The following POP1 variants were observed in gnomAD, a reference collection of about 807,000 sequenced individuals.
The protein encoded by POP1 is POP1 ribonuclease P/MRP subunit.
In POP1, 75 loss-of-function variants were observed where a neutral mutation model predicts 102.2. That is an observed-to-expected ratio of 0.73 (90% CI 0.61 to 0.89). The LOEUF is 0.89. Ranked by LOEUF, POP1 falls within the 40% of genes least tolerant of loss-of-function variation. POP1 has a pLI of 0.00. For synonymous variants in POP1, 436 were observed against 464.1 expected, an observed-to-expected ratio of 0.94 and a Z score of 0.78; for missense variants, 1,116 against 1,267.4, an observed-to-expected ratio of 0.88 and a Z score of 1.81.
chr8:98,157,267 A>T (rs1254526270), intron 15 of POP1, among the ~76,000 whole-genome samples: 1 of 152,048 alleles, frequency 6.6e-6, no homozygotes, highest in Admixed American at 6.6e-5. Flanking sequence ...ATTCTTTCTT[A>T]CTTTACATGT....
intron 1 of POP1, among the ~76,000 whole-genome samples, chr8:98,118,789 T>C (rs1815926181): frequency 6.6e-6 from 1 of 152,072 alleles, no homozygotes; most frequent in African/African-American, 2.4e-5. Flanking sequence ...AGTATTTTAT[T>C]ATATGAGATC....
At position 98,134,498 on chromosome 8, in the gene POP1, T is replaced by C. The variant is rs978081550; in HGVS notation, c.850T>C (p.Leu284=). The C allele has an allele frequency of 2.5e-6, 4 of 1,614,042 alleles. No individual in the cohort carries two copies. Among genetic ancestry groups the C allele is most frequent in the Non-Finnish European group, 3.4e-6 (4 of 1,180,020 alleles). Residue 284 remains leucine (L), a synonymous_variant, in exon 7 of 16, where the codon TTG becomes CTG. Coordinates refer to ENST00000401707, the MANE Select transcript of POP1 (RefSeq NM_001145860.2). Reference sequence around the variant, plus strand: ...GCTGACGTTTGCAGCAGTTCACTGCTTGTCTGGAAAGCGCCAAGGGAGCCT... The same window carrying C: ...GCTGACGTTTGCAGCAGTTCACTGCCTGTCTGGAAAGCGCCAAGGGAGCCT... The part of the protein sequence containing the change: ...TGLTFAAVHC[L]SGKRQGSLVL...
At chr8:98,125,179 GTTTTTTTTTTTT>G (rs748014497) in intron 2 of POP1, among the ~76,000 whole-genome samples, 1 of 102,260 alleles carries the variant, frequency 9.8e-6, no homozygotes, top group East Asian at 2.7e-4. Context: ...TTTACAGACA[GTTTTTTTTTTTT>G]TTTTTTTTTT....
chr8:98,158,038 T>C lies in POP1; in HGVS notation c.2842T>C (p.Trp948Arg), dbSNP rs374628731. 119 of 1,610,872 alleles carry C rather than the reference T, an allele frequency of 7.4e-5. No individual in the cohort carries two copies. Among genetic ancestry groups the C allele is most frequent in the Admixed American group, 3.3e-4 (20 of 60,002 alleles). The change falls in exon 16 of 16, where the codon TGG (tryptophan) becomes CGG (arginine). Residue 948 changes from tryptophan (W) to arginine (R), a missense_variant. Transcript: ENST00000401707. ...GCAGGAAGCTCTGACTCTAGGGCTG[T>C]GGTCAGGCCCTCTGCCGCGTGTGAC... ...AGQEALTLGL[W>R]SGPLPRVTLH...
chr8:98,149,026 T>G lies in POP1; in HGVS notation c.1902+20T>G. On this transcript the variant is annotated intron_variant, in intron 13 of 15. Coordinates refer to ENST00000401707, the MANE Select transcript of POP1 (RefSeq NM_001145860.2). The stretch of plus-strand genomic sequence containing the variant: ...CCATTTGTAAGTTACTTTTTGATTC[T>G]AACAGTTGCAATATTTAAAATACAT... 1 of 1,593,934 alleles carries G rather than the reference T, an allele frequency of 6.3e-7. No homozygotes were observed. The highest frequency in any genetic ancestry group is 1.3e-5 in the African/African-American group (1 of 74,614).
At chr8:98,129,128 A>G (rs1248439497) in intron 4 of POP1, among the ~76,000 whole-genome samples, 2 of 152,210 alleles carry the variant, frequency 1.3e-5, no homozygotes, top group African/African-American at 4.8e-5. Flanking sequence ...GATGTTAAAA[A>G]AAAACTCTGA....
Position 98,158,230 on chromosome 8 carries a change from T to A in POP1, c.3034T>A (p.Ser1012Thr). ...CTTAGTGCTACTGAGGCCTCCCGCCTCTCTGCAGTATCGATTTGCGAGGAT... is the reference window on the plus strand; with the variant it reads ...CTTAGTGCTACTGAGGCCTCCCGCCACTCTGCAGTATCGATTTGCGAGGAT... ...RGLVLLRPPASLQYRFARIAI... is the reference protein window; with the variant it reads ...RGLVLLRPPATLQYRFARIAI... The change falls in exon 16 of 16, where the codon TCT (serine) becomes ACT (threonine). Residue 1012 changes from serine to threonine, a missense_variant. Transcript: ENST00000401707. 1 of 1,612,152 alleles carries A rather than the reference T, an allele frequency of 6.2e-7. No individual in the cohort carries two copies. Among genetic ancestry groups the A allele is most frequent in the Non-Finnish European group, 8.5e-7 (1 of 1,180,010 alleles).
At chr8:98,144,467 G>T (rs1816791951) in intron 11 of POP1, among the ~76,000 whole-genome samples, 1 of 151,916 alleles carries the variant, frequency 6.6e-6, no homozygotes, top group South Asian at 2.1e-4. Flanking sequence ...TAGAGACAGG[G>T]TCTCACTAAA....
Position 98,140,867 on chromosome 8 carries a change from C to G in POP1, c.1573C>G (p.Pro525Ala), listed in dbSNP as rs769183311. ...NLPQKKSKAL[P>A]NPEKCQDNEK... Reference sequence around the variant, plus strand: ...GCCCCAAAAGAAGTCCAAAGCTTTGCCCAATCCAGAAAAATGCCAAGGTAA... The same window carrying G: ...GCCCCAAAAGAAGTCCAAAGCTTTGGCCAATCCAGAAAAATGCCAAGGTAA... The change falls in exon 11 of 16, where the codon CCC becomes GCC. Residue 525 changes from proline to alanine, a missense_variant. Physicochemically the swap from Pro to Ala is conservative, Grantham distance 27. Transcript: ENST00000401707. 6.8e-6 allele frequency: 11 copies of G among 1,613,974 alleles called. No homozygotes were observed. The Middle Eastern group carries it at 9.9e-4, about 145-fold the overall frequency.
intron 4 of POP1, 47 bp downstream of exon 4, chr8:98,128,587 A>G (rs961068957): frequency 1.3e-6 from 2 of 1,590,036 alleles, no homozygotes; most frequent in Non-Finnish European, 1.7e-6. Flanking sequence ...AGCTCCTAGA[A>G]GAAATTGAGA....
intron 6 of POP1, 136 bp from the exon 7 acceptor site, chr8:98,134,336 C>A (rs1816468214): frequency 8.1e-6 from 7 of 866,404 alleles, no homozygotes; most frequent in Non-Finnish European, 1.3e-5. Context: ...GTGTGCCAGG[C>A]TTTGATCTGA....
At chr8:98,150,208 G>C (rs181173652) in intron 13 of POP1, among the ~76,000 whole-genome samples, 1 of 152,280 alleles carries the variant, frequency 6.6e-6, no homozygotes, top group East Asian at 1.9e-4. Flanking sequence ...TAACTATTTA[G>C]ACTTGACATG....
chr8:98,156,375 C>T lies in POP1; in HGVS notation c.2383C>T (p.His795Tyr). 3.7e-6 allele frequency: 6 copies of T among 1,613,900 alleles called. No individual in the cohort carries two copies. The highest frequency in any genetic ancestry group is 5.1e-6 in the Non-Finnish European group (6 of 1,179,998). Reference sequence around the variant, plus strand: ...CACAGACCAGGAGGCCAGTGAAAACCATGTTGCTGCCACAGGGAGTCACCT... The same window carrying T: ...CACAGACCAGGAGGCCAGTGAAAACTATGTTGCTGCCACAGGGAGTCACCT... ...RITDQEASEN[H>Y]VAATGSHLCV... is the part of the protein sequence containing the mutation. Residue 795 changes from histidine (H) to tyrosine (Y), a missense_variant, in exon 15 of 16, where the codon CAT becomes TAT. Transcript: ENST00000401707.
At chr8:98,120,733 G>T (rs1374237273) in intron 1 of POP1, among the ~76,000 whole-genome samples, 1 of 151,268 alleles carries the variant, frequency 6.6e-6, no homozygotes, top group Admixed American at 6.6e-5. Flanking sequence ...TGGAAGCTCC[G>T]CCTACCGGGT....
intron 9 of POP1, among the ~76,000 whole-genome samples, chr8:98,137,433 G>C (rs532814202): frequency 3.5e-4 from 53 of 152,174 alleles, no homozygotes; most frequent in African/African-American, 1.3e-3. Context: ...CCCCCGAGTA[G>C]CTGAGACTAT....
chr8:98,122,473 G>A (rs1563769374), intron 1 of POP1, among the ~76,000 whole-genome samples: 1 of 152,116 alleles, frequency 6.6e-6, no homozygotes, highest in South Asian at 2.1e-4. Flanking sequence ...AGGGCCCTTC[G>A]GATTTCCTGC....
chr8:98,152,157 C>T (rs1586250835), intron 14 of POP1, among the ~76,000 whole-genome samples: 1 of 152,096 alleles, frequency 6.6e-6, no homozygotes, highest in Non-Finnish European at 1.5e-5. Flanking sequence ...CCTTGTGCCT[C>T]CCATAGTATG....
rs1437563755 is a variant in POP1 at position 98,140,122 on chromosome 8, A to G, written c.1407A>G (p.Glu469=). ...AGACACCTCACCGCTGGTGGATAGA[A>G]ACCTGTAAGAAACCTGACAGCGTTT... The part of the protein sequence containing the change: ...TEETPHRWWI[E]TCKKPDSVSL... The change falls in exon 10 of 16, where the codon GAA becomes GAG. Residue 469 remains glutamate (E), a synonymous_variant. Transcript: ENST00000401707. 1 of 1,614,170 alleles carries G rather than the reference A, an allele frequency of 6.2e-7. No individual in the cohort carries two copies. Among genetic ancestry groups the G allele is most frequent in the South Asian group, 1.1e-5 (1 of 91,086 alleles).
chr8:98,148,680 T>G, intron 12 of POP1, 135 bp from the exon 13 acceptor site: 1 of 792,440 alleles, frequency 1.3e-6, no homozygotes, highest in Non-Finnish European at 2.1e-6. Context: ...ATGGCTCACA[T>G]TTATTTATTT....
Sources: allele counts gnomAD v4.1 joint callset (sites outside exome capture counted in the v4.1 genomes callset), GRCh38; gene constraint gnomAD v4.1.1; transcripts MANE v1.5; gene names NCBI Gene and HGNC (gene_info 2026-07-23, HGNC 2026-07-21).